The following PPEF1 variants were observed in gnomAD, a reference collection of about 807,000 sequenced individuals.
The protein encoded by PPEF1 is serine/threonine-protein phosphatase with EF-hands 1.
A neutral mutation model predicts 53.3 loss-of-function variants in PPEF1; 12 were observed. The ratio of observed to expected loss-of-function variants is 0.23; its 90% CI spans 0.14 to 0.36. The LOEUF is 0.36. Among genes scored for constraint, PPEF1 ranks in the 10% least tolerant of loss-of-function variants. PPEF1 has a pLI of 1.00. For missense variants in PPEF1, 334 were observed against 490.4 expected (o/e 0.68, Z 3.01); for synonymous variants, 165 against 176.7 (o/e 0.93, Z 0.52).
intron 4 of PPEF1, among the ~76,000 whole-genome samples, chrX:18,692,998 A>G (rs1433387886): frequency 1.8e-5 from 2 of 111,854 alleles, no homozygotes; most frequent in Non-Finnish European, 3.8e-5. Context: ...GGCTTCATAA[A>G]TTTGCTGAAA....
chrX:18,765,749 A>G (rs190102260), intron 6 of PPEF1, among the ~76,000 whole-genome samples: 74 of 111,637 alleles, frequency 6.6e-4, no homozygotes, highest in African/African-American at 2.3e-3. Context: ...GTGAATAAAT[A>G]CATTACTTTC....
chrX:18,778,951 C>A, intron 6 of PPEF1, 59 bp from the exon 7 acceptor site: 1 of 1,061,643 alleles, frequency 9.4e-7, no homozygotes, highest in South Asian at 2.2e-5. Context: ...TGTACACGGC[C>A]TGACTTTAAA....
chrX:18,699,899 C>T (rs2147261691), intron 5 of PPEF1, among the ~76,000 whole-genome samples: 1 of 112,828 alleles, frequency 8.9e-6, no homozygotes, highest in African/African-American at 3.2e-5. Context: ...CTAAAGAGTG[C>T]TTTTCTGCTC....
intron 7 of PPEF1, among the ~76,000 whole-genome samples, chrX:18,779,856 T>C (rs1020695109): frequency 8.9e-6 from 1 of 112,001 alleles, no homozygotes; most frequent in Non-Finnish European, 1.9e-5. Context: ...AGATATGGCA[T>C]GTCTCATGCT....
At chrX:18,827,205 TG>T in intron 15 of PPEF1, 70 bp from the exon 16 acceptor site, 1 of 911,651 alleles carries the variant, frequency 1.1e-6, no homozygotes. Flanking sequence ...TTAATCAGTG[TG>T]GGTTCCCCAA....
chrX:18,702,774 AATG>A (rs1161895156), upstream of PPEF1, among the ~76,000 whole-genome samples: 1 of 110,960 alleles, frequency 9.0e-6, no homozygotes. Context: ...AGTGAGTGCC[AATG>A]ATGAGTCATT....
At chrX:18,737,106 T>C (rs1241253138) in intron 3 of PPEF1, among the ~76,000 whole-genome samples, 1 of 111,803 alleles carries the variant, frequency 8.9e-6, no homozygotes, top group Non-Finnish European at 1.9e-5. Context: ...TTTTGAAGGG[T>C]TTTTTGTGTC....
intron 13 of PPEF1, among the ~76,000 whole-genome samples, chrX:18,823,454 A>G (rs1271338261): frequency 1.8e-5 from 2 of 108,659 alleles, no homozygotes; most frequent in African/African-American, 3.3e-5. Flanking sequence ...GTGAAACTCT[A>G]TCTCTACTAA....
chrX:18,683,143 G>A (rs756435067), intron 1 of PPEF1, among the ~76,000 whole-genome samples: 3 of 111,512 alleles, frequency 2.7e-5, no homozygotes, highest in East Asian at 2.9e-4. Context: ...CCCACGACAC[G>A]TGGGAATTGT....
intron 15 of PPEF1, among the ~76,000 whole-genome samples, chrX:18,826,069 GGTAGCAGTA>G (rs1490230617): frequency 9.0e-6 from 1 of 111,661 alleles, no homozygotes. Context: ...GTCAAAATGG[GGTAGCAGTA>G]GTAGAAAGCA....
Position 18,782,330 on chromosome X carries a change from C to T in PPEF1, c.726-36C>T, listed in dbSNP as rs192399937. 8 of 1,113,081 alleles carry T rather than the reference C, an allele frequency of 7.2e-6. No individual in the cohort carries two copies. The Admixed American group carries it at 2.0e-4, about 28-fold the overall frequency. The allele number at this position is 1,113,081 out of a possible 1,213,427, so 91.7% of individuals were successfully genotyped here. ...CATGACTCATGGAAGTAGGCGTTAT[C>T]AACAATCAAATCATTTAAATCCCAT... On this transcript the variant is annotated intron_variant, in intron 7 of 15. Coordinates refer to ENST00000470157, the MANE Select transcript of PPEF1 (RefSeq NM_001377996.1).
intron 7 of PPEF1, among the ~76,000 whole-genome samples, chrX:18,782,120 A>T (rs1602446147): frequency 8.9e-6 from 1 of 111,969 alleles, no homozygotes; most frequent in African/African-American, 3.2e-5. Flanking sequence ...TAATTGTTTC[A>T]TAGAAATCTA....
Position 18,824,106 on chromosome X carries a change from A to G in PPEF1, c.1665+20A>G, listed in dbSNP as rs2047117057. 1 of 1,166,223 alleles carries G rather than the reference A, an allele frequency of 8.6e-7. No homozygotes were observed. Among genetic ancestry groups the G allele is most frequent in the Admixed American group, 2.3e-5 (1 of 43,287 alleles). The stretch of plus-strand genomic sequence containing the variant: ...CAAGAGGCAAGTGAAACATAGCCCC[A>G]GCTAAAACCTAGCCAGGGTGAAACA... On this transcript the variant is annotated intron_variant, in intron 14 of 15. Transcript: ENST00000470157.
intron 9 of PPEF1, among the ~76,000 whole-genome samples, 200 bp downstream of exon 9, chrX:18,784,248 T>C (rs1486983430): frequency 8.9e-6 from 1 of 111,739 alleles, no homozygotes; most frequent in Non-Finnish European, 1.9e-5. Flanking sequence ...GTAACTTCTA[T>C]ATATGGAAAA....
At chrX:18,698,233 A>G (rs1297957569) in intron 5 of PPEF1, among the ~76,000 whole-genome samples, 1 of 112,443 alleles carries the variant, frequency 8.9e-6, no homozygotes, top group African/African-American at 3.2e-5. Flanking sequence ...GAGGCTGACC[A>G]TAAGACCCCT....
intron 4 of PPEF1, among the ~76,000 whole-genome samples, chrX:18,697,537 C>G (rs965333930): frequency 6.3e-5 from 7 of 110,878 alleles, no homozygotes; most frequent in Non-Finnish European, 5.7e-5. Flanking sequence ...TTCTAGGAAG[C>G]CTTCCGTCAT....
chrX:18,809,093 A>ATCTG (rs2046747449), intron 12 of PPEF1, among the ~76,000 whole-genome samples: 1 of 34,409 alleles, frequency 2.9e-5, no homozygotes, highest in African/African-American at 1.2e-4. Flanking sequence ...ATCACATTAT[A>ATCTG]TCTATCTATC....
At chrX:18,761,729 C>CTT (rs58142596) in intron 6 of PPEF1, among the ~76,000 whole-genome samples, 153 bp downstream of exon 6, 19 of 101,549 alleles carry the variant, frequency 1.9e-4, no homozygotes, top group South Asian at 9.0e-4. Flanking sequence ...AGAGCCATAT[C>CTT]TTTTTTTTTT....
At chrX:18,785,155 C>T (rs184993405) in intron 9 of PPEF1, among the ~76,000 whole-genome samples, 32 of 111,679 alleles carry the variant, frequency 2.9e-4, no homozygotes, top group Non-Finnish European at 5.3e-4. Context: ...ATGAGAATGT[C>T]GTTGCTGGTA....
Sources: gnomAD v4.1 joint callset for allele counts (sites outside exome capture counted in the v4.1 genomes callset) on GRCh38, gnomAD v4.1.1 for gene constraint, MANE v1.5 for transcripts, NCBI Gene and HGNC (gene_info 2026-07-23, HGNC 2026-07-21) for gene names.